Variants in TANGO6 observed in about 807,000 individuals in gnomAD.
The protein encoded by TANGO6 is transport and Golgi organization protein 6 homolog.
Under a neutral mutation model 114.2 loss-of-function variants are expected in TANGO6, and 90 were observed. That is an observed-to-expected ratio of 0.79 (90% CI 0.66 to 0.94). The LOEUF (loss-of-function observed/expected upper bound fraction) is 0.94, where lower values mean the gene tolerates loss of function less well. TANGO6 is among the 40% of genes least tolerant of loss of function. TANGO6 has a pLI of 0.00. For synonymous variants in TANGO6, 477 were observed against 509.8 expected (o/e 0.94, Z 0.87); for missense variants, 1,274 against 1,315.3 (o/e 0.97, Z 0.49).
chr16:69,053,995 A>G (rs1833523549), intron 17 of TANGO6, among the ~76,000 whole-genome samples: 1 of 151,946 alleles, frequency 6.6e-6, no homozygotes, highest in Non-Finnish European at 1.5e-5. Context: ...AACCCCGGGG[A>G]TGGAGGTTGC....
chr16:68,864,334 C>G (rs1477281071), intron 3 of TANGO6, among the ~76,000 whole-genome samples: 8 of 151,914 alleles, frequency 5.3e-5, no homozygotes, highest in Non-Finnish European at 8.8e-5. Flanking sequence ...AGCACTTTGG[C>G]AGGCTGAGGC....
At chr16:68,941,717 G>A (rs1424698840) in intron 14 of TANGO6, among the ~76,000 whole-genome samples, 1 of 152,068 alleles carries the variant, frequency 6.6e-6, no homozygotes, top group African/African-American at 2.4e-5. Context: ...CTGCACTACA[G>A]CCTGGGTGAC....
intron 17 of TANGO6, among the ~76,000 whole-genome samples, chr16:69,056,885 T>C (rs1960039765): frequency 6.6e-6 from 1 of 152,086 alleles, no homozygotes; most frequent in Admixed American, 6.6e-5. Context: ...TTTCACCGTG[T>C]TAGCCAGGAT....
At chr16:69,083,100 T>C (rs1330183342) in intron 17 of TANGO6, among the ~76,000 whole-genome samples, 3 of 148,836 alleles carry the variant, frequency 2.0e-5, no homozygotes, top group Non-Finnish European at 4.5e-5. Context: ...ATCTTCTTTT[T>C]TTTTTTTTTT....
chr16:68,871,896 A>G (rs1200159488), intron 4 of TANGO6, among the ~76,000 whole-genome samples: 1 of 152,186 alleles, frequency 6.6e-6, no homozygotes, highest in African/African-American at 2.4e-5. Context: ...CTGAGTTTAC[A>G]GGCGTGAACC....
chr16:69,078,431 G>T (rs1960419863), intron 17 of TANGO6, among the ~76,000 whole-genome samples: 1 of 152,220 alleles, frequency 6.6e-6, no homozygotes, highest in South Asian at 2.1e-4. Flanking sequence ...TCTGGGCCCA[G>T]ACCATGTGCT....
intron 16 of TANGO6, among the ~76,000 whole-genome samples, chr16:69,039,469 C>T (rs1235143248): frequency 6.6e-6 from 1 of 151,922 alleles, no homozygotes; most frequent in Non-Finnish European, 1.5e-5. Flanking sequence ...ACCCTCATCT[C>T]TACAAAAAAT....
rs1405241287 is a variant in TANGO6, at chr16:68,875,357, A to G, written c.1131+67A>G. 2.6e-6 allele frequency: 4 copies of G among 1,552,218 alleles called. No individual in the cohort carries two copies. The Admixed American group carries it at 7.1e-5, about 28-fold the overall frequency. On this transcript the variant is annotated intron_variant, in intron 5 of 17. Coordinates refer to ENST00000261778, the MANE Select transcript of TANGO6 (RefSeq NM_024562.2). ...CTTATTTACAGAAAGAGGACTTTTA[A>G]TGTTCCTCTAGTATTGAGATAAAAG...
intron 14 of TANGO6, among the ~76,000 whole-genome samples, chr16:68,957,158 C>T (rs1963538745): frequency 6.6e-6 from 1 of 151,570 alleles, no homozygotes; most frequent in South Asian, 2.1e-4. Context: ...TGTGTGTATG[C>T]ATGCATGCAT....
intron 7 of TANGO6, among the ~76,000 whole-genome samples, chr16:68,892,806 C>T (rs111672129): frequency 0.021 from 3,188 of 152,234 alleles, 82 homozygotes; most frequent in African/African-American, 0.058. Flanking sequence ...TGAGCCACTG[C>T]ACCCGGGCCA....
chr16:68,889,005 G>A lies in TANGO6; in HGVS notation c.1377+8375G>A, dbSNP rs1348497935. 6.6e-5 allele frequency among the ~76,000 whole-genome samples: 10 copies of A among 152,116 alleles called. No individual in the cohort carries two copies. In the East Asian group the frequency reaches 1.7e-3, roughly 26 times the overall value. On this transcript the variant is annotated intron_variant, in intron 7 of 17. Coordinates refer to ENST00000261778, the MANE Select transcript of TANGO6 (RefSeq NM_024562.2). ...TGCCCGGCTAATTTTTGTATTTTTA[G>A]CAGAAGTAGGTCTTCGCTATGTTGG...
At chr16:68,928,191 TC>T in intron 13 of TANGO6, 108 bp downstream of exon 13, 1 of 1,333,828 alleles carries the variant, frequency 7.5e-7, no homozygotes, top group Non-Finnish European at 9.9e-7. Context: ...TGGACCACCC[TC>T]CAGAAATTTG....
intron 15 of TANGO6, among the ~76,000 whole-genome samples, chr16:68,989,309 A>C (rs967906678): frequency 6.8e-6 from 1 of 146,882 alleles, no homozygotes; most frequent in Non-Finnish European, 1.5e-5. Flanking sequence ...TTTTTTTTTC[A>C]ATCTTTTTCT....
intron 17 of TANGO6, among the ~76,000 whole-genome samples, chr16:69,078,222 G>C (rs1230395297): frequency 6.6e-6 from 1 of 152,244 alleles, no homozygotes; most frequent in Admixed American, 6.5e-5. Flanking sequence ...CAGGCGGCCA[G>C]AGGGAGGCCC....
chr16:68,991,633 A>T (rs551926285), intron 15 of TANGO6, among the ~76,000 whole-genome samples: 2 of 152,000 alleles, frequency 1.3e-5, no homozygotes, highest in African/African-American at 4.8e-5. Context: ...ACAGAGTGAG[A>T]TTTCATCGAT....
chr16:68,861,077 CAGACTACAGA>C (rs1253831083), intron 2 of TANGO6, among the ~76,000 whole-genome samples: 2 of 152,140 alleles, frequency 1.3e-5, no homozygotes, highest in African/African-American at 4.8e-5. Context: ...GTTGAGCATC[CAGACTACAGA>C]AGTTGCTGTG....
chr16:69,059,729 C>G lies in TANGO6; in HGVS notation c.3108+19308C>G, dbSNP rs553435106. On this transcript the variant is annotated intron_variant, in intron 17 of 17. Transcript: ENST00000261778. ...AGAGACGAGGTTTCACCATGTTGGC[C>G]TGGCCACTTTTCTACTCTTTAATTC... Among the ~76,000 whole-genome samples, 83 of 152,268 alleles carry G rather than the reference C, an allele frequency of 5.5e-4. No homozygotes were observed. The Middle Eastern group carries it at 0.01, about 19-fold the overall frequency.
At chr16:68,906,715 C>G (rs555789768) in intron 9 of TANGO6, among the ~76,000 whole-genome samples, 4 of 152,110 alleles carry the variant, frequency 2.6e-5, no homozygotes, top group Admixed American at 2.0e-4. Context: ...TCCTAGTGCA[C>G]TACAGGTGTG....
At chr16:68,968,549 A>T (rs902627384) in intron 14 of TANGO6, among the ~76,000 whole-genome samples, 24 of 151,000 alleles carry the variant, frequency 1.6e-4, no homozygotes, top group African/African-American at 5.9e-4. Context: ...TATTTAGTAG[A>T]GAGGGGGGTT....
Sources: gnomAD v4.1 joint callset for allele counts (sites outside exome capture counted in the v4.1 genomes callset) on GRCh38, gnomAD v4.1.1 for gene constraint, MANE v1.5 for transcripts, NCBI Gene and HGNC (gene_info 2026-07-23, HGNC 2026-07-21) for gene names.